The following AMD1 variants were observed in gnomAD, a reference collection of about 807,000 sequenced individuals.
The protein encoded by AMD1 is adenosylmethionine decarboxylase 1, also known as S-adenosylmethionine decarboxylase proenzyme.
Under a neutral mutation model 40.2 loss-of-function variants are expected in AMD1, and 11 were observed. The observed-to-expected ratio is 0.27, with a 90% CI of 0.17 to 0.45. The LOEUF (loss-of-function observed/expected upper bound fraction) is 0.45. AMD1 is among the 20% of genes least tolerant of loss of function. AMD1 has a pLI of 1.00. For missense variants in AMD1, 257 were observed against 410.2 expected (o/e 0.63, Z 3.23); for synonymous variants, 121 against 130.8 (o/e 0.93, Z 0.51).
the AMD1 span, among the ~76,000 whole-genome samples, chr6:110,832,279 A>G: frequency 6.6e-6 from 1 of 151,798 alleles, no homozygotes; most frequent in Non-Finnish European, 1.5e-5. Flanking sequence ...TGCTGGGATT[A>G]CAGGCATGAG....
At chr6:110,836,607 T>C in the AMD1 span, among the ~76,000 whole-genome samples, 1 of 151,790 alleles carries the variant, frequency 6.6e-6, no homozygotes, top group African/African-American at 2.4e-5. Flanking sequence ...TAATATTTTC[T>C]TTCTAAAATC....
the AMD1 span, among the ~76,000 whole-genome samples, chr6:110,857,038 C>T: frequency 2.0e-5 from 3 of 151,748 alleles, no homozygotes; most frequent in African/African-American, 7.3e-5. Context: ...GTGGCGGGCA[C>T]CTGTAATCCC....
chr6:110,891,224 T>C (rs1318659256), intron 4 of AMD1: 1 of 152,264 alleles, frequency 6.6e-6, no homozygotes, highest in African/African-American at 2.4e-5. Flanking sequence ...TATTTTATTT[T>C]TAGTAGAGAT....
chr6:110,887,481 C>T (rs986689555), intron 1 of AMD1, 24 bp from the exon 2 acceptor site: 35 of 1,559,864 alleles, frequency 2.2e-5, no homozygotes, highest in Non-Finnish European at 2.8e-5. Flanking sequence ...GTGGATTAAT[C>T]GTAACTTTTT....
At chr6:110,816,945 G>T in the AMD1 span, among the ~76,000 whole-genome samples, 2 of 152,248 alleles carry the variant, frequency 1.3e-5, no homozygotes, top group African/African-American at 2.4e-5. Context: ...GCCCTTCTTT[G>T]AGTCTCATAT....
At chr6:110,858,828 T>G in the AMD1 span, 1 of 776,916 alleles carries the variant, frequency 1.3e-6, no homozygotes, top group Admixed American at 1.7e-5. Context: ...AAGAACCACA[T>G]CCTGCCCCCC....
the AMD1 span, among the ~76,000 whole-genome samples, chr6:110,834,065 G>T: frequency 1.3e-5 from 2 of 152,058 alleles, no homozygotes; most frequent in Non-Finnish European, 2.9e-5. Flanking sequence ...TGTGTAGCTG[G>T]GACCACAGGC....
At chr6:110,858,885 C>G in the AMD1 span, 2 of 814,976 alleles carry the variant, frequency 2.5e-6, no homozygotes, top group Admixed American at 1.7e-5. Flanking sequence ...AACAAGTGTG[C>G]CAGCCAGGTG....
At chr6:110,858,222 C>G in the AMD1 span, 1 of 773,682 alleles carries the variant, frequency 1.3e-6, no homozygotes, top group Non-Finnish European at 2.2e-6. Context: ...CCCATCCTGC[C>G]GCAGCGCGCG....
chr6:110,820,016 G>A, the AMD1 span, among the ~76,000 whole-genome samples: 1 of 152,150 alleles, frequency 6.6e-6, no homozygotes, highest in Admixed American at 6.5e-5. Context: ...CTAAAAAGGG[G>A]AGAAGCCCTC....
At chr6:110,879,846 GCAT>G (rs1205765678) in intron 1 of AMD1, among the ~76,000 whole-genome samples, 1 of 152,166 alleles carries the variant, frequency 6.6e-6, no homozygotes, top group Non-Finnish European at 1.5e-5. Context: ...AAATTTGCAG[GCAT>G]CATCCTCAGA....
intron 8 of AMD1, 23 bp downstream of exon 8, chr6:110,893,088 A>G (rs368405809): frequency 1.3e-6 from 2 of 1,566,470 alleles, no homozygotes; most frequent in South Asian, 1.2e-5. Context: ...TTTATTATTA[A>G]TCAGGTTATT....
the AMD1 span, among the ~76,000 whole-genome samples, chr6:110,843,792 T>G: frequency 6.6e-6 from 1 of 152,062 alleles, no homozygotes; most frequent in Non-Finnish European, 1.5e-5. Context: ...TCTTGCCATG[T>G]TGCCATGCTG....
chr6:110,837,285 A>C, the AMD1 span, among the ~76,000 whole-genome samples: 4 of 150,876 alleles, frequency 2.7e-5, no homozygotes, highest in Admixed American at 6.6e-5. Context: ...TCTGGGCAAC[A>C]TAGAGTCCCA....
the AMD1 span, chr6:110,814,988 T>C: frequency 1.2e-6 from 2 of 1,600,092 alleles, no homozygotes; most frequent in East Asian, 2.3e-5. Context: ...GCGAGCCTAC[T>C]CCTCCCGCCC....
chr6:110,877,810 T>C (rs1562334464), intron 1 of AMD1, among the ~76,000 whole-genome samples: 1 of 152,146 alleles, frequency 6.6e-6, no homozygotes. Context: ...CTGGGCTCTA[T>C]TAAGATGTGA....
At chr6:110,863,990 G>A in the AMD1 span, 9 of 430,292 alleles carry the variant, frequency 2.1e-5, no homozygotes, top group Middle Eastern at 8.3e-4. Flanking sequence ...ACGGAGTTTC[G>A]CTCTTGTTGC....
At chr6:110,828,394 T>C in the AMD1 span, among the ~76,000 whole-genome samples, 2 of 151,208 alleles carry the variant, frequency 1.3e-5, no homozygotes, top group Non-Finnish European at 2.9e-5. Flanking sequence ...GATCACGCCA[T>C]TGCACTCCAG....
At chr6:110,869,200 G>T in the AMD1 span, among the ~76,000 whole-genome samples, 29 of 150,520 alleles carry the variant, frequency 1.9e-4, no homozygotes, top group African/African-American at 6.3e-4. Flanking sequence ...GCGCTATCTC[G>T]GCTCACTGCA....
Sources: gnomAD v4.1 joint callset for allele counts (sites outside exome capture counted in the v4.1 genomes callset) on GRCh38, gnomAD v4.1.1 for gene constraint, MANE v1.5 for transcripts, NCBI Gene and HGNC (gene_info 2026-07-23, HGNC 2026-07-21) for gene names.